The following SPTB variants were observed in gnomAD, a reference collection of about 807,000 sequenced individuals.
SPTB encodes spectrin beta chain, erythrocytic.
In SPTB, 45 loss-of-function variants were observed where a neutral mutation model predicts 256.2. The ratio of observed to expected loss-of-function variants is 0.18; its 90% CI spans 0.14 to 0.23. The LOEUF is 0.23. Ranked by LOEUF, SPTB falls within the 10% of genes least tolerant of loss-of-function variation. SPTB has a pLI of 1.00. For synonymous variants in SPTB, 1,231 were observed against 1,243.1 expected (o/e 0.99, Z 0.21); for missense variants, 2,715 against 3,040.4 (o/e 0.89, Z 2.52).
At position 64,827,184 on chromosome 14, in the gene SPTB, G is replaced by A. The variant is rs1033251953; in HGVS notation, c.-51-4039C>T. 1.3e-5 allele frequency among the ~76,000 whole-genome samples: 2 copies of A among 152,164 alleles called. No individual in the cohort carries two copies. The highest frequency in any genetic ancestry group is 4.8e-5 in the African/African-American group (2 of 41,432). ...TCAGCCCTCGCCGAAGCCCCGAGCA[G>A]AAGAGGCAGCTGTTCTCTTTTCTCC... is the stretch of plus-strand genomic sequence containing the variant. On this transcript the variant is annotated intron_variant, in intron 1 of 35. Coordinates refer to ENST00000644917, the MANE Select transcript of SPTB (RefSeq NM_001355436.2). This position sits in a 1 kb window ranked among gnomAD's most constrained non-coding sequence, Gnocchi z 4.6.
At chr14:64,769,252 GC>G in intron 28 of SPTB, 134 bp from the exon 29 acceptor site, 1 of 912,942 alleles carries the variant, frequency 1.1e-6, no homozygotes, top group South Asian at 1.3e-5. Context: ...CCAGCTGCTT[GC>G]CAGCTGTGTG....
intron 2 of SPTB, among the ~76,000 whole-genome samples, chr14:64,822,351 TTCTC>T (rs200994413): frequency 1.9e-3 from 16 of 8,214 alleles, no homozygotes; most frequent in Middle Eastern, 0.031. Flanking sequence ...CACCCCCACC[TTCTC>T]TCTCTCTCTC....
chr14:64,861,772 C>T (rs1364835134), intron 1 of SPTB, among the ~76,000 whole-genome samples: 1 of 152,236 alleles, frequency 6.6e-6, no homozygotes, highest in African/African-American at 2.4e-5. Context: ...AGTTTCATGC[C>T]TCCACGAAAA....
In SPTB at chr14:64,847,293, G is replaced by A. The variant is rs538526528; in HGVS notation, c.-51-24148C>T. ...CATCAAAGGCCAAAATCCTGGCCAT[G>A]TGAGAACACGTGCTCCATCCACATG... On this transcript the variant is annotated intron_variant, in intron 1 of 35. Transcript: ENST00000644917. This position sits in a 1 kb window ranked among gnomAD's most constrained non-coding sequence, Gnocchi z 5.9. Among the ~76,000 whole-genome samples the A allele has an allele frequency of 6.6e-6, 1 of 152,346 alleles. No homozygotes were observed. The highest frequency in any genetic ancestry group is 6.5e-5 in the Admixed American group (1 of 15,308).
At chr14:64,755,601 GT>G (rs1566734499) in intron 32 of SPTB, 1 of 152,206 alleles carries the variant, frequency 6.6e-6, no homozygotes. Context: ...CTTGCCCAAG[GT>G]TATACTGTCG....
chr14:64,835,850 T>C (rs1264594728), intron 1 of SPTB, among the ~76,000 whole-genome samples: 2 of 152,240 alleles, frequency 1.3e-5, no homozygotes, highest in Non-Finnish European at 2.9e-5. Flanking sequence ...ATTCCCATTC[T>C]ATCTAAGCAG....
chr14:64,832,886 A>G (rs2083469256), intron 1 of SPTB, among the ~76,000 whole-genome samples: 1 of 151,974 alleles, frequency 6.6e-6, no homozygotes, highest in South Asian at 2.1e-4. Flanking sequence ...TTGTATCTAT[A>G]TTTGCTCTTT....
rs1377444436 is a variant in SPTB at position 64,747,445 on chromosome 14, G to T, written c.*1861C>A. ...ATACACACTAGGTTCCCTGTATAGG[G>T]TCATATGTACCAAAGCCAAATGAAG... On this transcript the variant is annotated 3_prime_UTR_variant, in exon 36 of 36. Coordinates refer to ENST00000644917, the MANE Select transcript of SPTB (RefSeq NM_001355436.2). 34 of 152,664 alleles carry T rather than the reference G, an allele frequency of 2.2e-4. No individual in the cohort carries two copies. Among genetic ancestry groups the T allele is most frequent in the Admixed American group, 2.2e-3 (34 of 15,286 alleles). 9.5% of individuals were successfully genotyped at this position (152,664 alleles called of 1,614,324 possible). A position where few individuals can be genotyped will look rare whatever the true frequency, so the allele number is the denominator to read the frequency against.
In SPTB at chr14:64,779,001, A is replaced by G. The variant is rs1292897921; in HGVS notation, c.4563+156T>C. Among the ~76,000 whole-genome samples, 1 of 152,124 alleles carries G rather than the reference A, an allele frequency of 6.6e-6. No individual in the cohort carries two copies. The highest frequency in any genetic ancestry group is 2.4e-5 in the African/African-American group (1 of 41,414). On this transcript the variant is annotated intron_variant, in intron 22 of 35. Coordinates refer to ENST00000644917, the MANE Select transcript of SPTB (RefSeq NM_001355436.2). This position sits in a 1 kb window ranked among gnomAD's most constrained non-coding sequence, Gnocchi z 4.2. Reference sequence around the variant, plus strand: ...CACAAAAACCTGCTCTTTCTGCTATAAGATTACCAATACGGTTTGGAGACC... The same window carrying G: ...CACAAAAACCTGCTCTTTCTGCTATGAGATTACCAATACGGTTTGGAGACC...
intron 1 of SPTB, among the ~76,000 whole-genome samples, chr14:64,850,882 G>T (rs2083772876): frequency 1.3e-5 from 2 of 152,156 alleles, no homozygotes; most frequent in South Asian, 4.1e-4. Flanking sequence ...ATTCAACAGG[G>T]TGACAACTGA....
chr14:64,766,767 C>G lies in SPTB; in HGVS notation c.6304G>C (p.Ala2102Pro). 2 of 1,612,778 alleles carry G rather than the reference C, an allele frequency of 1.2e-6. No individual in the cohort carries two copies. Among genetic ancestry groups the G allele is most frequent in the Non-Finnish European group, 1.7e-6 (2 of 1,179,884 alleles). ...GTGGCCGCATGGTGGGAAACTGGAG[C>G]CTCCCCTGCTGTCTCGCCTTCCTCC... ...QEEEGETAGE[A>P]PVSHHAATER... The change falls in exon 32 of 36, where the codon GCT (alanine) becomes CCT (proline). Residue 2102 changes from alanine to proline, a missense_variant. By Grantham distance (27) the Ala-to-Pro change is conservative. Transcript: ENST00000644917.
In SPTB at chr14:64,752,202, T is replaced by C. The variant is rs770857946; in HGVS notation, c.6602+1335A>G. On this transcript the variant is annotated intron_variant, in intron 33 of 35. Coordinates refer to ENST00000644917, the MANE Select transcript of SPTB (RefSeq NM_001355436.2). Reference sequence around the variant, plus strand: ...TAACAGGTGGGCTAGCCCGAGCCGCTTCACTCACACGTGGGAAGCATGTTG... The same window carrying C: ...TAACAGGTGGGCTAGCCCGAGCCGCCTCACTCACACGTGGGAAGCATGTTG... The C allele has an allele frequency of 3.0e-6, 4 of 1,348,110 alleles. No homozygotes were observed. In the South Asian group the frequency reaches 4.6e-5, roughly 16 times the overall value. The allele number at this position is 1,348,110 out of a possible 1,614,324, so 83.5% of individuals were successfully genotyped here. A position where few individuals can be genotyped will look rare whatever the true frequency, so the allele number is the denominator to read the frequency against.
chr14:64,789,875 A>G (rs1243737830), intron 15 of SPTB, among the ~76,000 whole-genome samples: 1 of 152,200 alleles, frequency 6.6e-6, no homozygotes, highest in African/African-American at 2.4e-5. Context: ...TGGAATATGT[A>G]GAGGGAGGGA....
At chr14:64,848,851 T>C (rs563137499) in intron 1 of SPTB, among the ~76,000 whole-genome samples, 1 of 152,374 alleles carries the variant, frequency 6.6e-6, no homozygotes, top group South Asian at 2.1e-4. Flanking sequence ...TCTTGACTTA[T>C]GTAATCATAT....
chr14:64,797,639 G>A (rs1002751846), intron 10 of SPTB, 90 bp downstream of exon 10: 2 of 1,055,390 alleles, frequency 1.9e-6, no homozygotes, highest in Non-Finnish European at 3.0e-6. Flanking sequence ...AAAGTGGCTT[G>A]GTTTAATCTG....
Position 64,772,719 on chromosome 14 carries a change from G to T in SPTB, c.5414C>A (p.Thr1805Lys), listed in dbSNP as rs142051792. The change falls in exon 26 of 36, where the codon ACG (threonine) becomes AAG (lysine). Residue 1805 changes from threonine (T) to lysine (K), a missense_variant. Physicochemically the swap from Thr to Lys is moderately conservative, Grantham distance 78. Transcript: ENST00000644917. The surrounding 1 kb of genome is among the most constrained non-coding windows in gnomAD (Gnocchi z 5.4). ...GATGAGGCCCAGGATCTCGGCACCC[G>T]TGTAGAAGTAGCGGTGCAGGTCATA... is the stretch of plus-strand genomic sequence containing the variant. ...ASYDLHRYFY[T>K]GAEILGLIDE... 6.2e-7 allele frequency: 1 copy of T among 1,613,942 alleles called. No individual in the cohort carries two copies. The highest frequency in any genetic ancestry group is 1.7e-5 in the Admixed American group (1 of 60,026).
Position 64,786,990 on chromosome 14 carries a change from G to A in SPTB, c.2975C>T (p.Ala992Val). Residue 992 changes from alanine (A) to valine (V), a missense_variant, in exon 16 of 36, where the codon GCC (alanine) becomes GTC (valine). By Grantham distance (64) the Ala-to-Val change is moderately conservative (BLOSUM62 0). Around this residue, in one of 4 missense-constraint regions of SPTB, gnomAD observed 2,239 missense variants for 2,384.4 expected, o/e 0.94. Coordinates refer to ENST00000644917, the MANE Select transcript of SPTB (RefSeq NM_001355436.2). The surrounding 1 kb of genome is among the most constrained non-coding windows in gnomAD (Gnocchi z 5.6). Reference protein sequence around the residue: ...DLGRDLAGIIAIQRKLSGLER... With the variant: ...DLGRDLAGIIVIQRKLSGLER... ...CAGCCCTGACAACTTCCTCTGGATG[G>A]CGATGATACCTGCCAGGTCCCGCCC... The A allele has an allele frequency of 2.5e-6, 4 of 1,614,102 alleles. No individual in the cohort carries two copies. Among genetic ancestry groups the A allele is most frequent in the Non-Finnish European group, 2.5e-6 (3 of 1,180,028 alleles).
At chr14:64,833,612 G>A (rs4902318) in intron 1 of SPTB, among the ~76,000 whole-genome samples, 26,800 of 151,782 alleles carry the variant, frequency 0.18, 2,691 homozygotes, top group South Asian at 0.34. Flanking sequence ...GTAGGTGGAG[G>A]TGGGGTGTTT....
At chr14:64,855,954 G>GC (rs2083866899) in intron 1 of SPTB, among the ~76,000 whole-genome samples, 1 of 152,220 alleles carries the variant, frequency 6.6e-6, no homozygotes, top group Admixed American at 6.5e-5. Context: ...CTGGGCTGCA[G>GC]TGCAGAGCTG....
Sources: allele counts gnomAD v4.1 joint callset (sites outside exome capture counted in the v4.1 genomes callset), GRCh38; gene constraint gnomAD v4.1.1; regional missense constraint gnomAD v4.1.1; non-coding constraint Gnocchi (gnomAD v3.1); transcripts MANE v1.5; gene names NCBI Gene and HGNC (gene_info 2026-07-23, HGNC 2026-07-21).